Variants in CMIP observed in about 807,000 individuals in gnomAD.
CMIP encodes c-Maf inducing protein.
Under a neutral mutation model 97.3 loss-of-function variants are expected in CMIP, and 13 were observed. The observed-to-expected ratio is 0.13, with a 90% CI of 0.09 to 0.21. The LOEUF (loss-of-function observed/expected upper bound fraction) is 0.21, where lower values mean the gene tolerates loss of function less well. Among genes scored for constraint, CMIP ranks in the 10% least tolerant of loss-of-function variants. The pLI is 1.00. For missense variants in CMIP, 847 were observed against 1,024.9 expected, an observed-to-expected ratio of 0.83 and a Z score of 2.37; for synonymous variants, 538 against 436.3, an observed-to-expected ratio of 1.23 and a Z score of -2.91.
At position 81,667,799 on chromosome 16, in the gene CMIP, AGTGTGTGT is replaced by A. The variant is rs71146027; in HGVS notation, c.826-2308_826-2301del. On this transcript the variant is annotated intron_variant, in intron 7 of 20. Transcript: ENST00000537098. ...GAGAGAGAGAGAGAGAGAGAGAGAGAGTGTGTGTGTGTGTGTGTGTGTGTGTGTGTGTG... is the reference window on the plus strand; with the variant it reads ...GAGAGAGAGAGAGAGAGAGAGAGAGAGTGTGTGTGTGTGTGTGTGTGTGTG... Among the ~76,000 whole-genome samples, 105 of 58,134 alleles carry A rather than the reference AGTGTGTGT, an allele frequency of 1.8e-3. 1 individual carries two copies. Among genetic ancestry groups the A allele is most frequent in the African/African-American group, 3.9e-3 (55 of 14,230 alleles). The allele number at this position is 58,134 out of a possible 152,430, so 38.1% of individuals were successfully genotyped here. A position where few individuals can be genotyped will look rare whatever the true frequency, so the allele number is the denominator to read the frequency against.
At chr16:81,609,600 G>A (rs536142430) in intron 2 of CMIP, among the ~76,000 whole-genome samples, 3 of 152,238 alleles carry the variant, frequency 2.0e-5, no homozygotes, top group Admixed American at 6.5e-5. Context: ...AGAGGCAACC[G>A]TGGAGGACTG....
chr16:81,703,296 C>G (rs1478537845), intron 17 of CMIP, among the ~76,000 whole-genome samples: 1 of 152,082 alleles, frequency 6.6e-6, no homozygotes, highest in Non-Finnish European at 1.5e-5. Context: ...CGGGCAGCCA[C>G]AGGGCCGCTG....
At chr16:81,602,877 G>A (rs569899861) in intron 1 of CMIP, among the ~76,000 whole-genome samples, 1 of 152,240 alleles carries the variant, frequency 6.6e-6, no homozygotes, top group Non-Finnish European at 1.5e-5. Context: ...GCTTACCAGG[G>A]AATTATCAGT....
intron 3 of CMIP, among the ~76,000 whole-genome samples, chr16:81,632,896 G>A (rs1339142585): frequency 6.6e-6 from 1 of 151,930 alleles, no homozygotes; most frequent in Non-Finnish European, 1.5e-5. Context: ...TCTGGGTAAA[G>A]GTCTTTCCTG....
chr16:81,513,965 G>C (rs1484165811), intron 1 of CMIP, among the ~76,000 whole-genome samples: 1 of 152,028 alleles, frequency 6.6e-6, no homozygotes, highest in Non-Finnish European at 1.5e-5. Flanking sequence ...GGAAGGCTTT[G>C]TGTTTTGACC....
chr16:81,617,914 G>T (rs2091941804), intron 2 of CMIP, among the ~76,000 whole-genome samples: 1 of 152,200 alleles, frequency 6.6e-6, no homozygotes, highest in South Asian at 2.1e-4. Context: ...CTTTGGCGGG[G>T]CCAGTGGACA....
intron 1 of CMIP, among the ~76,000 whole-genome samples, chr16:81,491,196 G>A (rs1245660361): frequency 6.6e-6 from 1 of 152,160 alleles, no homozygotes; most frequent in Non-Finnish European, 1.5e-5. Context: ...ATCACAGGGC[G>A]ACAGCTCCAG....
intron 1 of CMIP, among the ~76,000 whole-genome samples, chr16:81,516,734 C>T (rs2089921626): frequency 6.6e-6 from 1 of 152,234 alleles, no homozygotes; most frequent in Non-Finnish European, 1.5e-5. Context: ...GCTAGTGTAC[C>T]ACTGTGTCTG....
intron 3 of CMIP, among the ~76,000 whole-genome samples, chr16:81,626,788 AGTGTGT>A (rs1035341441): frequency 3.2e-5 from 2 of 63,160 alleles, no homozygotes; most frequent in East Asian, 6.6e-4. Context: ...AGAGAGAGAG[AGTGTGT>A]GTGTGTGTGT....
At chr16:81,450,075 C>G (rs1049455515) in intron 1 of CMIP, among the ~76,000 whole-genome samples, 2 of 152,306 alleles carry the variant, frequency 1.3e-5, no homozygotes, top group Non-Finnish European at 2.9e-5. Flanking sequence ...TCCTTAGTGT[C>G]TCATCGGGCA....
At chr16:81,657,659 A>G (rs745794599) in intron 4 of CMIP, 116 bp from the exon 5 acceptor site, 3 of 807,664 alleles carry the variant, frequency 3.7e-6, no homozygotes, top group South Asian at 3.7e-5. Flanking sequence ...TGACAGTGAC[A>G]GTTGGTCTGT....
chr16:81,592,388 G>A (rs1263520719), intron 1 of CMIP, among the ~76,000 whole-genome samples: 1 of 152,150 alleles, frequency 6.6e-6, no homozygotes, highest in Admixed American at 6.5e-5. Flanking sequence ...TTTCCTTGGC[G>A]GAGAATGCCT....
At chr16:81,463,847 G>C (rs1293366984) in intron 1 of CMIP, 1 of 152,296 alleles carries the variant, frequency 6.6e-6, no homozygotes, top group Non-Finnish European at 1.5e-5. Flanking sequence ...TGAGACCTCA[G>C]GGGACTTCCC....
chr16:81,705,450 C>G (rs772323977), intron 18 of CMIP, 49 bp from the exon 19 acceptor site: 15 of 1,361,994 alleles, frequency 1.1e-5, no homozygotes, highest in Admixed American at 6.0e-5. Flanking sequence ...CTCAGAGTCA[C>G]TTCCCCAGGA....
chr16:81,561,822 T>G (rs1357771952), intron 1 of CMIP, among the ~76,000 whole-genome samples: 2 of 152,216 alleles, frequency 1.3e-5, no homozygotes, highest in African/African-American at 2.4e-5. Flanking sequence ...TTCCTCAGTT[T>G]CAGTAGGTAC....
At chr16:81,510,979 C>T (rs2089799823) in intron 1 of CMIP, among the ~76,000 whole-genome samples, 1 of 152,212 alleles carries the variant, frequency 6.6e-6, no homozygotes, top group Non-Finnish European at 1.5e-5. Context: ...TTCGGCCTCC[C>T]ATAGTGCTGG....
chr16:81,552,132 T>G (rs1338243925), intron 1 of CMIP, among the ~76,000 whole-genome samples: 1 of 152,156 alleles, frequency 6.6e-6, no homozygotes, highest in East Asian at 1.9e-4. Context: ...GGCCCAGTTG[T>G]GTAGCGGTGG....
Position 81,483,018 on chromosome 16 carries a change from T to C in CMIP, c.300+37477T>C, listed in dbSNP as rs114700078. 2.0e-3 allele frequency among the ~76,000 whole-genome samples: 301 copies of C among 152,370 alleles called. 2 individuals carry two copies. The highest frequency in any genetic ancestry group is 7.0e-3 in the African/African-American group (290 of 41,590). On this transcript the variant is annotated intron_variant, in intron 1 of 20. Coordinates refer to ENST00000537098, the MANE Select transcript of CMIP (RefSeq NM_198390.3). ...CCTGGCCTACTTGGAGCCCCCATTC[T>C]ACTGGAGGAGAGGAAAATGAACACG...
intron 3 of CMIP, among the ~76,000 whole-genome samples, chr16:81,637,574 T>C (rs937725972): frequency 3.9e-5 from 6 of 152,156 alleles, no homozygotes; most frequent in African/African-American, 1.2e-4. Flanking sequence ...GCTGCACAGC[T>C]CATAAGAAGC....
Sources: gnomAD v4.1 joint callset for allele counts (sites outside exome capture counted in the v4.1 genomes callset) on GRCh38, gnomAD v4.1.1 for gene constraint, MANE v1.5 for transcripts, NCBI Gene and HGNC (gene_info 2026-07-23, HGNC 2026-07-21) for gene names.